The following MAP3K2 variants were observed in gnomAD, a reference collection of about 807,000 sequenced individuals.
MAP3K2 encodes MAP/ERK kinase kinase 2.
A neutral mutation model predicts 80.3 loss-of-function variants in MAP3K2; 24 were observed. That is an observed-to-expected ratio of 0.30 (90% confidence interval 0.22 to 0.42). The LOEUF (loss-of-function observed/expected upper bound fraction) is 0.42, where lower values mean the gene tolerates loss of function less well. Ranked by LOEUF, MAP3K2 falls within the 10% of genes least tolerant of loss-of-function variation. The probability of loss-of-function intolerance (pLI) is 1.00; values close to 1 mark genes in which losing one functional copy is unlikely to be tolerated. For missense variants in MAP3K2, 608 were observed against 750.1 expected (o/e 0.81, Z 2.21); for synonymous variants, 244 against 253.7 (o/e 0.96, Z 0.36).
Position 127,364,844 on chromosome 2 carries a change from T to C in MAP3K2, c.-65-21650A>G, listed in dbSNP as rs114664038. On this transcript the variant is annotated intron_variant, in intron 1 of 16. Coordinates refer to ENST00000682094, the MANE Select transcript of MAP3K2 (RefSeq NM_001371910.2). The surrounding 1 kb of genome is among the most constrained non-coding windows in gnomAD (Gnocchi z 4.1). ...CAATGACTACTAATAAAAGCTACTA[T>C]TGACCAGGCGCAGTGGCTCACGCCT... 0.013 allele frequency among the ~76,000 whole-genome samples: 2,036 copies of C among 152,206 alleles called. 48 individuals carry two copies. Among genetic ancestry groups the C allele is most frequent in the African/African-American group, 0.046 (1,916 of 41,518 alleles).
rs1427439146 is a variant in MAP3K2 at position 127,301,181 on chromosome 2, C to A, written c.*6398G>T. On this transcript the variant is annotated 3_prime_UTR_variant, in exon 17 of 17. Transcript: ENST00000682094. ...CAAAATGTCTATGGCACAAAGCAGA[C>A]ATCAGTCCAGAACCTACTTTTCCTC... is the stretch of plus-strand genomic sequence containing the variant. 4 of 152,208 alleles carry A rather than the reference C, an allele frequency of 2.6e-5. No individual in the cohort carries two copies. The highest frequency in any genetic ancestry group is 5.9e-5 in the Non-Finnish European group (4 of 68,040). 9.4% of individuals were successfully genotyped at this position (152,208 alleles called of 1,614,324 possible).
chr2:127,385,255 C>T lies in MAP3K2; in HGVS notation c.-66+2197G>A, dbSNP rs567172196. Among the ~76,000 whole-genome samples, 4 of 152,304 alleles carry T rather than the reference C, an allele frequency of 2.6e-5. No individual in the cohort carries two copies. The South Asian group carries it at 8.3e-4, about 32-fold the overall frequency. ...AAGAAATTGCCTCAGCCATCCCAAA[C>T]TTCAACAACCACCCCTTATCAACCA... On this transcript the variant is annotated intron_variant, in intron 1 of 16. Transcript: ENST00000682094.
In MAP3K2 at chr2:127,343,136, A is replaced by AT; in HGVS notation, c.-8_-7insA. The AT allele has an allele frequency of 3.9e-6, 6 of 1,554,024 alleles. No individual in the cohort carries two copies. Among genetic ancestry groups the AT allele is most frequent in the Non-Finnish European group, 5.2e-6 (6 of 1,146,986 alleles). The stretch of plus-strand genomic sequence containing the variant: ...TTAGTTTGAACTCACCCATTATGGC[A>AT]AACAGCTCAACAATTTGAAAATTAG... On this transcript the variant is annotated 5_prime_UTR_variant, in exon 2 of 17. It adds an upstream start codon to the 5' untranslated region. Transcript: ENST00000682094.
At chr2:127,308,490 CA>C in intron 16 of MAP3K2, 94 bp downstream of exon 16, 1 of 1,165,678 alleles carries the variant, frequency 8.6e-7, no homozygotes. Flanking sequence ...TTTGGAAGTA[CA>C]AAAGATTATT....
intron 1 of MAP3K2, among the ~76,000 whole-genome samples, chr2:127,372,400 A>T (rs181649446): frequency 1.7e-3 from 265 of 152,324 alleles, no homozygotes; most frequent in Middle Eastern, 3.4e-3. Flanking sequence ...TGATCACCTT[A>T]AAAATTGGAA....
Position 127,322,669 on chromosome 2 carries a change from C to T in MAP3K2, c.839-417G>A, listed in dbSNP as rs1184227674. ...AGTGCAGTGGTACAATCTCGGCTCA[C>T]TGCAACCTCCGCCTCCAGGGTTCAA... On this transcript the variant is annotated intron_variant, in intron 11 of 16. Coordinates refer to ENST00000682094, the MANE Select transcript of MAP3K2 (RefSeq NM_001371910.2). The surrounding 1 kb of genome is among the most constrained non-coding windows in gnomAD (Gnocchi z 4.2). Among the ~76,000 whole-genome samples, 1 of 152,144 alleles carries T rather than the reference C, an allele frequency of 6.6e-6. No individual in the cohort carries two copies. Among genetic ancestry groups the T allele is most frequent in the African/African-American group, 2.4e-5 (1 of 41,454 alleles).
chr2:127,314,635 T>G (rs1685866376), intron 15 of MAP3K2, 119 bp downstream of exon 15: 1 of 797,510 alleles, frequency 1.3e-6, no homozygotes, highest in Non-Finnish European at 1.9e-6. Context: ...AAGAGAACTG[T>G]TTCCCTGTAG....
At chr2:127,355,751 T>C (rs1034565527) in intron 1 of MAP3K2, among the ~76,000 whole-genome samples, 3 of 152,150 alleles carry the variant, frequency 2.0e-5, no homozygotes, top group Non-Finnish European at 2.9e-5. Flanking sequence ...TGACTCTTCC[T>C]TTCATGAAAA....
At chr2:127,365,627 C>T (rs1033241869) in intron 1 of MAP3K2, among the ~76,000 whole-genome samples, 1 of 152,164 alleles carries the variant, frequency 6.6e-6, no homozygotes, top group African/African-American at 2.4e-5. Context: ...AAAAGCTTGA[C>T]TGAGGACCAC....
chr2:127,358,932 AT>A (rs1558986806), intron 1 of MAP3K2, among the ~76,000 whole-genome samples: 1 of 148,548 alleles, frequency 6.7e-6, no homozygotes, highest in African/African-American at 2.5e-5. Context: ...AAAAAAAAAA[AT>A]TTTTAAAAGG....
chr2:127,349,172 T>C (rs1686647234), intron 1 of MAP3K2, among the ~76,000 whole-genome samples: 1 of 152,134 alleles, frequency 6.6e-6, no homozygotes, highest in Non-Finnish European at 1.5e-5. Context: ...CTTTCTTTTT[T>C]TTTTTGGAGA....
intron 10 of MAP3K2, 48 bp downstream of exon 10, chr2:127,324,126 T>C: frequency 1.5e-6 from 2 of 1,312,086 alleles, no homozygotes; most frequent in Non-Finnish European, 2.1e-6. Context: ...GCCAAAACAT[T>C]ATCCAATGAC....
chr2:127,366,866 G>GTTTTTTTTT (rs367670762), intron 1 of MAP3K2, among the ~76,000 whole-genome samples: 11 of 85,088 alleles, frequency 1.3e-4, no homozygotes, highest in East Asian at 4.1e-4. Flanking sequence ...ACAGTCAAGG[G>GTTTTTTTTT]TTTTTTTTTT....
rs1687391046 is a variant in MAP3K2 at position 127,387,544 on chromosome 2, C to T, written c.-158G>A. 2 of 984,998 alleles carry T rather than the reference C, an allele frequency of 2.0e-6. No homozygotes were observed. The highest frequency in any genetic ancestry group is 1.2e-4 in the Admixed American group (2 of 16,246). The allele number at this position is 984,998 out of a possible 1,614,324, so 61.0% of individuals were successfully genotyped here. A position where few individuals can be genotyped will look rare whatever the true frequency, so the allele number is the denominator to read the frequency against. The stretch of plus-strand genomic sequence containing the variant: ...TCCGCCCCAGCGCGGCCTGTCACCG[C>T]GGCCCCAGGTCGGGGGCTGCCGCAG... On this transcript the variant is annotated 5_prime_UTR_variant, in exon 1 of 17. Coordinates refer to ENST00000682094, the MANE Select transcript of MAP3K2 (RefSeq NM_001371910.2).
At chr2:127,319,665 A>AAAAAAAAAAG in intron 12 of MAP3K2, among the ~76,000 whole-genome samples, 1 of 149,198 alleles carries the variant, frequency 6.7e-6, no homozygotes, top group Non-Finnish European at 1.5e-5. Context: ...AAAAAAAAAA[A>AAAAAAAAAAG]AAAAAAAAAA....
At chr2:127,320,676 T>C (rs1686000906) in intron 12 of MAP3K2, among the ~76,000 whole-genome samples, 1 of 152,182 alleles carries the variant, frequency 6.6e-6, no homozygotes, top group African/African-American at 2.4e-5. Context: ...ATATTCACAC[T>C]GTAGAAAATC....
intron 1 of MAP3K2, among the ~76,000 whole-genome samples, chr2:127,375,582 G>C (rs1419058816): frequency 1.3e-5 from 2 of 151,668 alleles, no homozygotes; most frequent in Admixed American, 6.6e-5. Flanking sequence ...GCTAATTTTT[G>C]TATTTTTAGT....
intron 1 of MAP3K2, among the ~76,000 whole-genome samples, chr2:127,353,847 T>C (rs1277224395): frequency 6.6e-6 from 1 of 151,974 alleles, no homozygotes; most frequent in Non-Finnish European, 1.5e-5. Flanking sequence ...GGTTGCTGTG[T>C]CTGTGTAGAA....
intron 5 of MAP3K2, among the ~76,000 whole-genome samples, chr2:127,332,812 A>G (rs1391068029): frequency 6.6e-6 from 1 of 152,160 alleles, no homozygotes; most frequent in Non-Finnish European, 1.5e-5. Context: ...GAATTTACAT[A>G]GTGAAGTATG....
Sources: allele counts gnomAD v4.1 joint callset (sites outside exome capture counted in the v4.1 genomes callset), GRCh38; gene constraint gnomAD v4.1.1; non-coding constraint Gnocchi (gnomAD v3.1); transcripts MANE v1.5; gene names NCBI Gene and HGNC (gene_info 2026-07-23, HGNC 2026-07-21).